Variants in B3GAT3 observed in about 807,000 individuals in gnomAD.
B3GAT3 encodes beta-1,3-glucuronyltransferase 3.
A neutral mutation model predicts 33.1 loss-of-function variants in B3GAT3; 19 were observed. The observed-to-expected ratio is 0.57, with a 90% CI of 0.40 to 0.84. The LOEUF is 0.84. Ranked by LOEUF, B3GAT3 falls within the 40% of genes least tolerant of loss-of-function variation. The pLI, the probability that B3GAT3 is intolerant of heterozygous loss-of-function variation, is 0.00. For synonymous variants in B3GAT3, 167 were observed against 193.5 expected (o/e 0.86, Z 1.14); for missense variants, 344 against 441.5 (o/e 0.78, Z 1.98).
At chr11:62,621,796 C>A in intron 1 of B3GAT3, 70 bp downstream of exon 1, 3 of 1,470,868 alleles carry the variant, frequency 2.0e-6, no homozygotes, top group Non-Finnish European at 2.7e-6. Context: ...GGGGTTCATC[C>A]CCAGGGCGGG....
At chr11:62,618,909 G>A (rs1242692695) in intron 2 of B3GAT3, among the ~76,000 whole-genome samples, 1 of 151,986 alleles carries the variant, frequency 6.6e-6, no homozygotes, top group Non-Finnish European at 1.5e-5. Context: ...CTTCAATCCG[G>A]GAGGTGGAGG....
chr11:62,620,407 A>C, intron 2 of B3GAT3, 90 bp downstream of exon 2: 1 of 1,231,618 alleles, frequency 8.1e-7, no homozygotes, highest in Non-Finnish European at 1.2e-6. Flanking sequence ...TTTGAGGAAC[A>C]ACTCCTAGCC....
At chr11:62,621,406 T>C (rs1349230941) in intron 1 of B3GAT3, 3 of 442,040 alleles carry the variant, frequency 6.8e-6, no homozygotes, top group South Asian at 1.6e-5. Context: ...ACTTTAGCTA[T>C]GGTGGTCAGG....
At chr11:62,618,094 T>A (rs528191404) in intron 2 of B3GAT3, among the ~76,000 whole-genome samples, 27 of 145,888 alleles carry the variant, frequency 1.9e-4, no homozygotes, top group Non-Finnish European at 4.0e-4. Flanking sequence ...GAAGAATCGC[T>A]TGAACCCGGG....
chr11:62,617,596 G>A, intron 2 of B3GAT3: 1 of 584,216 alleles, frequency 1.7e-6, no homozygotes, highest in South Asian at 2.0e-5. Context: ...AAGGGCACAG[G>A]GCCGGGCATG....
At position 62,620,540 on chromosome 11, in the gene B3GAT3, C is replaced by G. The variant is rs572486344; in HGVS notation, c.214G>C (p.Glu72Gln). 6.2e-7 allele frequency: 1 copy of G among 1,612,868 alleles called. No homozygotes were observed. The highest frequency in any genetic ancestry group is 1.1e-5 in the South Asian group (1 of 90,926). ...PPAPAQPPEP[E>Q]ALPTIYVVTP... ...ACAACATAGATAGTAGGCAGGGCCT[C>G]GGGTTCAGGGGGCTGGGCAGGGGCA... The change falls in exon 2 of 5, where the codon GAG becomes CAG. Residue 72 changes from glutamate (E) to glutamine (Q), a missense_variant. Transcript: ENST00000265471.
At chr11:62,621,029 C>T in intron 1 of B3GAT3, 1 of 499,688 alleles carries the variant, frequency 2.0e-6, no homozygotes, top group South Asian at 1.5e-5. Context: ...CACTATGGAA[C>T]CCCTTTTGGA....
Position 62,617,997 on chromosome 11 carries a change from G to A in B3GAT3, c.258-650C>T, listed in dbSNP as rs369009936. On this transcript the variant is annotated intron_variant, in intron 2 of 4. Transcript: ENST00000265471. ...TCGAGACCAGCCTGCCCAACATGGC[G>A]AAGCCCCGTCTCTATTAAAAATACA... Among the ~76,000 whole-genome samples, 37 of 151,612 alleles carry A rather than the reference G, an allele frequency of 2.4e-4. No homozygotes were observed. The East Asian group carries it at 7.2e-3, about 29-fold the overall frequency.
intron 1 of B3GAT3, 27 bp from the exon 2 acceptor site, chr11:62,620,698 A>G (rs1943129698): frequency 6.2e-7 from 1 of 1,602,992 alleles, no homozygotes. Flanking sequence ...TTAATGGGGA[A>G]AGAAGGTGGG....
intron 3 of B3GAT3, 61 bp from the exon 4 acceptor site, chr11:62,616,857 A>G: frequency 6.2e-7 from 1 of 1,612,586 alleles, no homozygotes; most frequent in Non-Finnish European, 8.5e-7. Flanking sequence ...CAGCAGAAAG[A>G]GCCACCTGGC....
intron 1 of B3GAT3, chr11:62,621,428 T>C (rs1943142097): frequency 4.8e-6 from 2 of 418,744 alleles, no homozygotes; most frequent in East Asian, 6.8e-5. Context: ...AAGGCCTCTC[T>C]GAGGAGGTGA....
chr11:62,618,135 C>T (rs184333012), intron 2 of B3GAT3, among the ~76,000 whole-genome samples: 2,639 of 140,896 alleles, frequency 0.019, 45 homozygotes, highest in Non-Finnish European at 0.027. Flanking sequence ...CGAGATTGTG[C>T]CACTGCACTC....
chr11:62,621,148 A>T (rs1218424143), intron 1 of B3GAT3: 1 of 457,868 alleles, frequency 2.2e-6, no homozygotes. Context: ...ACTCATTGTT[A>T]AATTCATTGA....
Sources: gnomAD v4.1 joint callset for allele counts (sites outside exome capture counted in the v4.1 genomes callset) on GRCh38, gnomAD v4.1.1 for gene constraint, MANE v1.5 for transcripts, NCBI Gene and HGNC (gene_info 2026-07-23, HGNC 2026-07-21) for gene names.